Variants in MPP7 observed in about 807,000 individuals in gnomAD.
The protein encoded by MPP7 is MAGUK p55 subfamily member 7.
MPP7 carries 60 observed loss-of-function variants against 76.5 expected under a neutral mutation model. The ratio of observed to expected loss-of-function variants is 0.78; its 90% confidence interval spans 0.64 to 0.97. The LOEUF is 0.97. Ranked by LOEUF, MPP7 falls within the 50% of genes least tolerant of loss-of-function variation. MPP7 has a pLI of 0.00. For synonymous variants in MPP7, 237 were observed against 244.5 expected (o/e 0.97, Z 0.29); for missense variants, 641 against 694.0 (o/e 0.92, Z 0.86).
intron 2 of MPP7, among the ~76,000 whole-genome samples, chr10:28,323,009 G>T (rs1048439010): frequency 6.6e-6 from 1 of 152,094 alleles, no homozygotes; most frequent in African/African-American, 2.4e-5. Context: ...AATAGGGGCC[G>T]GGCACGGTGG....
chr10:28,095,346 G>C (rs1853519655), intron 11 of MPP7, among the ~76,000 whole-genome samples: 1 of 151,900 alleles, frequency 6.6e-6, no homozygotes, highest in Non-Finnish European at 1.5e-5. Context: ...TACAGCAAGA[G>C]TTATGAAATT....
intron 2 of MPP7, among the ~76,000 whole-genome samples, chr10:28,227,583 T>C (rs1237400532): frequency 6.6e-6 from 1 of 152,172 alleles, no homozygotes; most frequent in Non-Finnish European, 1.5e-5. Context: ...TTTCTGTTCC[T>C]GCATAAGTTT....
chr10:28,157,008 G>A (rs1159465218), intron 3 of MPP7, among the ~76,000 whole-genome samples: 2 of 152,034 alleles, frequency 1.3e-5, no homozygotes, highest in African/African-American at 4.8e-5. Flanking sequence ...TCAGGAGTTC[G>A]AGACCAGCCT....
At chr10:28,302,237 G>A (rs1325394735) in intron 1 of MPP7, among the ~76,000 whole-genome samples, 2 of 151,826 alleles carry the variant, frequency 1.3e-5, no homozygotes, top group East Asian at 3.9e-4. Context: ...CCCCACTTCA[G>A]CCCAGACAAA....
chr10:28,334,370 CAA>C (rs1219309565), intron 1 of MPP7: 3 of 152,060 alleles, frequency 2.0e-5, no homozygotes, highest in African/African-American at 7.2e-5. Context: ...CTGGACAAAA[CAA>C]GAGAGAACAT....
intron 5 of MPP7, among the ~76,000 whole-genome samples, chr10:28,132,480 G>A (rs1485015076): frequency 1.3e-5 from 2 of 152,232 alleles, no homozygotes; most frequent in African/African-American, 4.8e-5. Flanking sequence ...ACGCTGGCTG[G>A]AGTTCAGCGG....
At position 28,098,780 on chromosome 10, in the gene MPP7, C is replaced by T. The variant is rs113513204; in HGVS notation, c.953-8939G>A. Among the ~76,000 whole-genome samples, 1,091 of 151,550 alleles carry T rather than the reference C, an allele frequency of 7.2e-3. 14 individuals are homozygous for T. The highest frequency in any genetic ancestry group is 0.025 in the African/African-American group (1,038 of 41,370). The stretch of plus-strand genomic sequence containing the variant: ...TATTAACAATAGTTAGGAATAGCCA[C>T]ATAAATTCAAGCATAAAGCAAGCAA... On this transcript the variant is annotated intron_variant, in intron 11 of 16. Coordinates refer to ENST00000683449, the MANE Select transcript of MPP7 (RefSeq NM_001318170.2).
At chr10:28,200,219 A>G (rs931572813) in intron 3 of MPP7, among the ~76,000 whole-genome samples, 2 of 152,228 alleles carry the variant, frequency 1.3e-5, no homozygotes, top group Non-Finnish European at 2.9e-5. Context: ...CAGACTTTAC[A>G]TACTTGAAAA....
chr10:28,057,183 A>G (rs1851588214), intron 15 of MPP7, among the ~76,000 whole-genome samples: 2 of 152,226 alleles, frequency 1.3e-5, no homozygotes, highest in South Asian at 4.1e-4. Context: ...TCTGACAGCA[A>G]CTGGACCTGG....
At chr10:28,110,755 G>A (rs1347833210) in intron 11 of MPP7, among the ~76,000 whole-genome samples, 2 of 152,082 alleles carry the variant, frequency 1.3e-5, no homozygotes, top group Non-Finnish European at 2.9e-5. Context: ...AGCATAGACT[G>A]CACAGAAATA....
intron 3 of MPP7, among the ~76,000 whole-genome samples, chr10:28,155,253 A>T (rs1320885933): frequency 6.6e-6 from 1 of 152,154 alleles, no homozygotes; most frequent in Non-Finnish European, 1.5e-5. Flanking sequence ...CAGATGGGTG[A>T]TTTATGCTAA....
Position 28,333,929 on chromosome 10 carries a change from G to A in MPP7, c.-206+489C>T, listed in dbSNP as rs553464634. ...CCAAGGGGGCCGGCTGCGGTGGCTCGTGCCTGTAATCCCAGCACTTTGGGA... is the reference window on the plus strand; with the variant it reads ...CCAAGGGGGCCGGCTGCGGTGGCTCATGCCTGTAATCCCAGCACTTTGGGA... On this transcript the variant is annotated intron_variant, in intron 1 of 11. Transcript: ENST00000441595. 1.1e-4 allele frequency among the ~76,000 whole-genome samples: 17 copies of A among 152,184 alleles called. No homozygotes were observed. The South Asian group carries it at 1.9e-3, about 17-fold the overall frequency.
intron 11 of MPP7, among the ~76,000 whole-genome samples, chr10:28,105,832 C>T (rs963413852): frequency 6.6e-6 from 1 of 152,086 alleles, no homozygotes; most frequent in African/African-American, 2.4e-5. Context: ...TTATTAACAT[C>T]GGGAAATGAA....
At chr10:28,195,134 G>A (rs1224691695) in intron 3 of MPP7, among the ~76,000 whole-genome samples, 1 of 152,152 alleles carries the variant, frequency 6.6e-6, no homozygotes, top group Non-Finnish European at 1.5e-5. Flanking sequence ...ATAAGCACAT[G>A]AAAAGATGGT....
intron 1 of MPP7, among the ~76,000 whole-genome samples, chr10:28,241,101 C>T (rs985703823): frequency 6.6e-6 from 1 of 152,086 alleles, no homozygotes; most frequent in African/African-American, 2.4e-5. Flanking sequence ...ATGTTTCATG[C>T]TTGTAAACCA....
At chr10:28,321,708 C>T (rs1158471439) in intron 2 of MPP7, among the ~76,000 whole-genome samples, 1 of 152,122 alleles carries the variant, frequency 6.6e-6, no homozygotes, top group Non-Finnish European at 1.5e-5. Context: ...CCTCAGCCTC[C>T]TGAGTAGCTG....
chr10:28,059,744 CTA>C lies in MPP7; in HGVS notation c.1205-3_1205-2del, dbSNP rs1388915549. On this transcript the variant is annotated splice_acceptor_variant and splice_polypyrimidine_tract_variant and intron_variant, in intron 13 of 16. Coordinates refer to ENST00000683449, the MANE Select transcript of MPP7 (RefSeq NM_001318170.2). LOFTEE classifies it high-confidence loss of function. ...TGGCTTCTTCTTGCTCTGGTGGTATCTATGATTTAATGAAAAGGAGTTTAGAA... is the reference window on the plus strand; with the variant it reads ...TGGCTTCTTCTTGCTCTGGTGGTATCTGATTTAATGAAAAGGAGTTTAGAA... 1 of 1,606,072 alleles carries C rather than the reference CTA, an allele frequency of 6.2e-7. No individual in the cohort carries two copies. Among genetic ancestry groups the C allele is most frequent in the Admixed American group, 1.7e-5 (1 of 59,654 alleles).
At chr10:28,324,069 G>A (rs899577390) in intron 2 of MPP7, among the ~76,000 whole-genome samples, 2 of 152,072 alleles carry the variant, frequency 1.3e-5, no homozygotes, top group Non-Finnish European at 2.9e-5. Context: ...TAGCTGTGAC[G>A]GTCTGTCTAC....
chr10:28,115,584 A>T (rs1189126278), intron 11 of MPP7, among the ~76,000 whole-genome samples: 5 of 152,256 alleles, frequency 3.3e-5, no homozygotes, highest in African/African-American at 1.2e-4. Flanking sequence ...GAATCCAGGA[A>T]GAAGAAGCTT....
Sources: gnomAD v4.1 joint callset for allele counts (sites outside exome capture counted in the v4.1 genomes callset) on GRCh38, gnomAD v4.1.1 for gene constraint, MANE v1.5 for transcripts, NCBI Gene and HGNC (gene_info 2026-07-23, HGNC 2026-07-21) for gene names.